ADCY10: variants seen among roughly 807,000 people sequenced by gnomAD.
The protein encoded by ADCY10 is adenylate cyclase 10.
Under a neutral mutation model 183.3 loss-of-function variants are expected in ADCY10, and 156 were observed. The ratio of observed to expected loss-of-function variants is 0.85; its 90% confidence interval spans 0.75 to 0.97. ADCY10 has a LOEUF of 0.97. ADCY10 is among the 50% of genes least tolerant of loss of function. ADCY10 has a pLI of 0.00. For missense variants in ADCY10, 1,745 were observed against 1,934.3 expected (o/e 0.90, Z 1.84); for synonymous variants, 645 against 670.0 (o/e 0.96, Z 0.58).
At chr1:167,834,157 C>T (rs543773227) in intron 23 of ADCY10, 80 bp from the exon 24 acceptor site, 1 of 1,064,436 alleles carries the variant, frequency 9.4e-7, no homozygotes, top group Admixed American at 1.8e-5. Context: ...CCAGACTCTA[C>T]TGAAGTAAGA....
intron 18 of ADCY10, 68 bp from the exon 19 acceptor site, chr1:167,848,557 G>A (rs968623547): frequency 6.3e-7 from 1 of 1,580,210 alleles, no homozygotes; most frequent in African/African-American, 1.3e-5. Flanking sequence ...ATTTTCCAAT[G>A]AACTTTGAGA....
intron 1 of ADCY10, among the ~76,000 whole-genome samples, chr1:167,907,984 C>T (rs2102469323): frequency 6.6e-6 from 1 of 152,248 alleles, no homozygotes; most frequent in East Asian, 1.9e-4. Context: ...AAAGTACGGC[C>T]ATTATGGAAA....
At chr1:167,823,701 G>A (rs912128016) in intron 28 of ADCY10, among the ~76,000 whole-genome samples, 3 of 152,060 alleles carry the variant, frequency 2.0e-5, no homozygotes, top group South Asian at 2.1e-4. Context: ...TCAGTAATTC[G>A]GAACCAAATA....
chr1:167,886,513 G>A (rs1668234846), intron 8 of ADCY10, among the ~76,000 whole-genome samples: 1 of 152,108 alleles, frequency 6.6e-6, no homozygotes, highest in African/African-American at 2.4e-5. Flanking sequence ...AGCTGAAACT[G>A]GATCCCTTCC....
chr1:167,878,020 GC>G (rs1464373566), intron 12 of ADCY10, among the ~76,000 whole-genome samples: 1 of 152,202 alleles, frequency 6.6e-6, no homozygotes, highest in East Asian at 1.9e-4. Flanking sequence ...TCTATGCTGA[GC>G]TTTTGGGGAA....
chr1:167,912,329 C>T (rs1002091744), intron 1 of ADCY10, among the ~76,000 whole-genome samples: 1 of 152,182 alleles, frequency 6.6e-6, no homozygotes, highest in African/African-American at 2.4e-5. Context: ...AAATGAAGGC[C>T]ATTAGAAACA....
chr1:167,850,928 T>G (rs1665434317), intron 18 of ADCY10, among the ~76,000 whole-genome samples: 1 of 152,012 alleles, frequency 6.6e-6, no homozygotes. Context: ...GAAACAAACA[T>G]TAAACAATAG....
chr1:167,810,636 C>A (rs924665831), intron 32 of ADCY10, 89 bp downstream of exon 32: 3 of 1,238,124 alleles, frequency 2.4e-6, no homozygotes, highest in Admixed American at 3.7e-5. Context: ...TTAATGGCAG[C>A]CTGGTGAAAC....
intron 29 of ADCY10, 54 bp downstream of exon 29, chr1:167,822,954 C>A (rs913329998): frequency 6.7e-7 from 1 of 1,493,708 alleles, no homozygotes; most frequent in African/African-American, 1.4e-5. Flanking sequence ...CCACACCACA[C>A]CAGCACAGGT....
At chr1:167,913,241 A>C (rs1670264547) in intron 1 of ADCY10, among the ~76,000 whole-genome samples, 1 of 152,226 alleles carries the variant, frequency 6.6e-6, no homozygotes, top group African/African-American at 2.4e-5. Context: ...GGATTCCTGA[A>C]TGCGGAGTGT....
Position 167,833,037 on chromosome 1 carries a change from G to C in ADCY10, c.3543C>G (p.Asn1181Lys), listed in dbSNP as rs1663875925. Residue 1181 changes from asparagine (N) to lysine (K), a missense_variant, in exon 25 of 33, where the codon AAC (asparagine) becomes AAG (lysine). Asn to Lys is a moderately conservative substitution (Grantham distance 94). Coordinates refer to ENST00000367851, the MANE Select transcript of ADCY10 (RefSeq NM_018417.6). ...SLFLHIHVEK[N>K]RHFHYVNRQA... ...GCCGATTCACATAATGAAAGTGTCTGTTTTTCTCGACATGGATATGGAGAA... is the reference window on the plus strand; with the variant it reads ...GCCGATTCACATAATGAAAGTGTCTCTTTTTCTCGACATGGATATGGAGAA... 1 of 1,614,154 alleles carries C rather than the reference G, an allele frequency of 6.2e-7. No individual in the cohort carries two copies. The highest frequency in any genetic ancestry group is 8.5e-7 in the Non-Finnish European group (1 of 1,180,024).
At position 167,856,280 on chromosome 1, in the gene ADCY10, C is replaced by T. The variant is rs373573088; in HGVS notation, c.2056G>A (p.Val686Ile). 95 of 1,613,732 alleles carry T rather than the reference C, an allele frequency of 5.9e-5. No individual in the cohort carries two copies. The highest frequency in any genetic ancestry group is 7.3e-5 in the Non-Finnish European group (86 of 1,179,866). Residue 686 changes from valine to isoleucine, a missense_variant, in exon 17 of 33, where the codon GTA becomes ATA. Val to Ile is a conservative substitution (Grantham distance 29). Transcript: ENST00000367851. ...VNIPCAAARA[V>I]IKNRNTTYIV... ...TAGGTGGTGTTCCTGTTCTTTATTACGGCCCTGGCAGCTGCACAGGGAATG... is the reference window on the plus strand; with the variant it reads ...TAGGTGGTGTTCCTGTTCTTTATTATGGCCCTGGCAGCTGCACAGGGAATG...
At chr1:167,861,890 T>G (rs558685183) in intron 14 of ADCY10, among the ~76,000 whole-genome samples, 1 of 152,096 alleles carries the variant, frequency 6.6e-6, no homozygotes, top group Admixed American at 6.6e-5. Flanking sequence ...CTCATGAGAT[T>G]TGATGGTTTA....
chr1:167,855,500 A>G (rs893838041), intron 17 of ADCY10, among the ~76,000 whole-genome samples: 2 of 152,318 alleles, frequency 1.3e-5, no homozygotes, highest in African/African-American at 4.8e-5. Flanking sequence ...GCTTAGTGGC[A>G]GGTCATGGTC....
At chr1:167,869,844 A>C (rs1050554070) in intron 14 of ADCY10, among the ~76,000 whole-genome samples, 3 of 151,838 alleles carry the variant, frequency 2.0e-5, no homozygotes, top group African/African-American at 7.3e-5. Flanking sequence ...AGCTGATTAA[A>C]GCCACTCCCT....
At chr1:167,820,660 C>T (rs1348948014) in intron 30 of ADCY10, 3 of 155,204 alleles carry the variant, frequency 1.9e-5, no homozygotes, top group Non-Finnish European at 4.3e-5. Context: ...GATTTCTTGC[C>T]AGGTGCAGTG....
At position 167,854,473 on chromosome 1, in the gene ADCY10, T is replaced by C; in HGVS notation, c.2188A>G (p.Ser730Gly). 6.2e-7 allele frequency: 1 copy of C among 1,614,206 alleles called. No homozygotes were observed. Among genetic ancestry groups the C allele is most frequent in the Non-Finnish European group, 8.5e-7 (1 of 1,180,028 alleles). The change falls in exon 18 of 33, where the codon AGC becomes GGC. Residue 730 changes from serine to glycine, a missense_variant. By Grantham distance (56) the Ser-to-Gly change is moderately conservative. Coordinates refer to ENST00000367851, the MANE Select transcript of ADCY10 (RefSeq NM_018417.6). ...TCACAGTAAAATGGAATCCCACAGC[T>C]TCCCTCCCCCAGGTACCTGTAGTGA... ...KELDSYLGEGSCGIPFYCEEL... is the reference protein window; with the variant it reads ...KELDSYLGEGGCGIPFYCEEL...
intron 15 of ADCY10, 121 bp downstream of exon 15, chr1:167,860,750 A>G (rs1666226557): frequency 1.2e-6 from 1 of 800,196 alleles, no homozygotes; most frequent in Admixed American, 1.9e-5. Flanking sequence ...GGAGCCATTT[A>G]CTCACCATCT....
At chr1:167,875,069 A>C in intron 13 of ADCY10, 62 bp downstream of exon 13, 1 of 1,274,214 alleles carries the variant, frequency 7.8e-7, no homozygotes. Flanking sequence ...TCATTGATGT[A>C]CTTTTCTGCA....
Sources: gnomAD v4.1 joint callset for allele counts (sites outside exome capture counted in the v4.1 genomes callset) on GRCh38, gnomAD v4.1.1 for gene constraint, MANE v1.5 for transcripts, NCBI Gene and HGNC (gene_info 2026-07-23, HGNC 2026-07-21) for gene names.